Variants in DLC1 observed in about 807,000 individuals in gnomAD.
The protein encoded by DLC1 is rho GTPase-activating protein 7.
A neutral mutation model predicts 140.3 loss-of-function variants in DLC1; 54 were observed. The ratio of observed to expected loss-of-function variants is 0.38; its 90% CI spans 0.31 to 0.48. The LOEUF (loss-of-function observed/expected upper bound fraction) is 0.48, where lower values mean the gene tolerates loss of function less well. Ranked by LOEUF, DLC1 falls within the 20% of genes least tolerant of loss-of-function variation. The pLI, the probability that DLC1 is intolerant of heterozygous loss-of-function variation, is 0.96. For synonymous variants in DLC1, 986 were observed against 728.1 expected (o/e 1.35, Z -5.70); for missense variants, 2,536 against 1,907.0 (o/e 1.33, Z -6.14).
At chr8:13,542,085 T>G (rs1433635633) in intron 1 of DLC1, among the ~76,000 whole-genome samples, 3 of 152,214 alleles carry the variant, frequency 2.0e-5, no homozygotes, top group Non-Finnish European at 4.4e-5. Context: ...AGTTTAACAT[T>G]TTTTATCTTT....
chr8:13,476,602 G>C (rs1452029985), intron 2 of DLC1, among the ~76,000 whole-genome samples: 3 of 152,054 alleles, frequency 2.0e-5, no homozygotes, highest in Non-Finnish European at 4.4e-5. Flanking sequence ...GAGTGGTCCA[G>C]ACAAACCAGA....
At chr8:13,385,750 C>G (rs1176659447) in intron 4 of DLC1, among the ~76,000 whole-genome samples, 1 of 152,140 alleles carries the variant, frequency 6.6e-6, no homozygotes, top group Non-Finnish European at 1.5e-5. Flanking sequence ...TCTGTGTAAA[C>G]TTTGTATATT....
At chr8:13,463,625 G>C (rs917792805) in intron 2 of DLC1, among the ~76,000 whole-genome samples, 2 of 152,132 alleles carry the variant, frequency 1.3e-5, no homozygotes, top group African/African-American at 4.8e-5. Flanking sequence ...TTTTGTGCTT[G>C]GTTTGCTCCA....
At chr8:13,162,515 G>A (rs1041130006) in intron 5 of DLC1, among the ~76,000 whole-genome samples, 2 of 152,124 alleles carry the variant, frequency 1.3e-5, no homozygotes, top group South Asian at 4.1e-4. Context: ...TAGAGACGGG[G>A]TTTCACCATG....
intron 1 of DLC1, among the ~76,000 whole-genome samples, chr8:13,562,569 T>C (rs1052353889): frequency 2.0e-5 from 3 of 152,154 alleles, no homozygotes; most frequent in African/African-American, 7.2e-5. Context: ...TTTGAGAACA[T>C]ACCCTGCTGG....
Position 13,128,834 on chromosome 8 carries a change from C to CAAA in DLC1, c.1349-13180_1349-13178dup, listed in dbSNP as rs531659822. 1.4e-3 allele frequency among the ~76,000 whole-genome samples: 183 copies of CAAA among 128,768 alleles called. 1 individual carries two copies. The highest frequency in any genetic ancestry group is 2.1e-3 in the Non-Finnish European group (128 of 60,214). 84.5% of individuals were successfully genotyped at this position (128,768 alleles called of 152,430 possible). On this transcript the variant is annotated intron_variant, in intron 5 of 17. Transcript: ENST00000276297. ...TGGGCGACAGAGAGAGACTCCGTCT[C>CAAA]AAAAAAAAAAAAGAGAAAAAAGAAA...
At chr8:13,509,849 T>G (rs1374811977) in intron 1 of DLC1, among the ~76,000 whole-genome samples, 1 of 152,192 alleles carries the variant, frequency 6.6e-6, no homozygotes, top group Non-Finnish European at 1.5e-5. Flanking sequence ...AAATTCTATG[T>G]ACCTCAGTTT....
At chr8:13,345,087 T>A (rs1007906538) in intron 4 of DLC1, among the ~76,000 whole-genome samples, 1 of 152,090 alleles carries the variant, frequency 6.6e-6, no homozygotes, top group African/African-American at 2.4e-5. Flanking sequence ...GCCACACACA[T>A]ACTTATTTTG....
intron 2 of DLC1, among the ~76,000 whole-genome samples, chr8:13,440,035 T>C (rs1478245117): frequency 6.6e-6 from 1 of 152,150 alleles, no homozygotes; most frequent in Admixed American, 6.5e-5. Context: ...GAGACGGTAA[T>C]AGGTATTAGG....
intron 4 of DLC1, among the ~76,000 whole-genome samples, chr8:13,326,816 T>C (rs1258143038): frequency 1.3e-5 from 2 of 152,214 alleles, no homozygotes; most frequent in African/African-American, 4.8e-5. Context: ...GCTCCGGCTC[T>C]AGGAATCATA....
At chr8:13,216,432 A>T (rs1263608849) in intron 5 of DLC1, among the ~76,000 whole-genome samples, 2 of 151,880 alleles carry the variant, frequency 1.3e-5, no homozygotes, top group Non-Finnish European at 2.9e-5. Flanking sequence ...GCTTCCTTTC[A>T]TGACACACTC....
At chr8:13,579,065 C>T (rs549532601) in intron 1 of DLC1, among the ~76,000 whole-genome samples, 87 of 151,276 alleles carry the variant, frequency 5.8e-4, no homozygotes, top group Middle Eastern at 3.4e-3. Context: ...CTCCTATTGC[C>T]TAGGACATTT....
chr8:13,425,167 C>A (rs1297603950), intron 2 of DLC1, among the ~76,000 whole-genome samples: 1 of 151,910 alleles, frequency 6.6e-6, no homozygotes, highest in East Asian at 1.9e-4. Flanking sequence ...TATGCAAGCT[C>A]CATAGATGCA....
Position 13,180,603 on chromosome 8 carries a change from A to G in DLC1, c.1349-64946T>C, listed in dbSNP as rs369348750. Among the ~76,000 whole-genome samples the G allele has an allele frequency of 2.0e-4, 31 of 152,126 alleles. 1 individual carries two copies. The East Asian group carries it at 4.1e-3, about 20-fold the overall frequency. On this transcript the variant is annotated intron_variant, in intron 5 of 17. Transcript: ENST00000276297. The stretch of plus-strand genomic sequence containing the variant: ...CGAGAAGCATCATGTTGAATTTAGG[A>G]GTTTCTTACAGTGCATCATGTAGAA...
At chr8:13,418,781 T>C (rs1356429663) in intron 2 of DLC1, among the ~76,000 whole-genome samples, 5 of 152,268 alleles carry the variant, frequency 3.3e-5, no homozygotes, top group Admixed American at 6.5e-5. Flanking sequence ...GGGGATGGCA[T>C]GGAATCTATA....
At chr8:13,213,092 T>A (rs74460278) in intron 5 of DLC1, among the ~76,000 whole-genome samples, 3,113 of 152,326 alleles carry the variant, frequency 0.02, 51 homozygotes, top group African/African-American at 0.041. Context: ...TTAGTCTCGC[T>A]CAAAGATACA....
intron 4 of DLC1, among the ~76,000 whole-genome samples, chr8:13,365,213 T>G (rs1368730189): frequency 6.6e-6 from 1 of 152,146 alleles, no homozygotes; most frequent in Non-Finnish European, 1.5e-5. Flanking sequence ...GGACTTAAAT[T>G]AGGAGAAAAA....
At chr8:13,386,246 A>T (rs959219183) in intron 4 of DLC1, among the ~76,000 whole-genome samples, 5 of 152,142 alleles carry the variant, frequency 3.3e-5, no homozygotes, top group African/African-American at 2.4e-5. Context: ...AATCTATTCA[A>T]TTCTAATCTA....
chr8:13,262,567 A>T (rs1169648846), intron 5 of DLC1, among the ~76,000 whole-genome samples: 7 of 152,060 alleles, frequency 4.6e-5, no homozygotes. Context: ...TCTTTTGTTT[A>T]TTTTTATTTA....
Sources: gnomAD v4.1 joint callset for allele counts (sites outside exome capture counted in the v4.1 genomes callset) on GRCh38, gnomAD v4.1.1 for gene constraint, MANE v1.5 for transcripts, NCBI Gene and HGNC (gene_info 2026-07-23, HGNC 2026-07-21) for gene names.